TMEM94: variants seen among roughly 807,000 people sequenced by gnomAD.
TMEM94 encodes the protein transmembrane protein 94.
TMEM94 carries 81 observed loss-of-function variants against 158.6 expected under a neutral mutation model. That is an observed-to-expected ratio of 0.51 (90% CI 0.43 to 0.61). TMEM94 has a LOEUF of 0.61. Ranked by LOEUF, TMEM94 falls within the 20% of genes least tolerant of loss-of-function variation. The probability of loss-of-function intolerance (pLI) is 0.00; values close to 1 mark genes in which losing one functional copy is unlikely to be tolerated. For missense variants in TMEM94, 1,435 were observed against 1,762.0 expected, an observed-to-expected ratio of 0.81 and a Z score of 3.32; for synonymous variants, 751 against 730.7, an observed-to-expected ratio of 1.03 and a Z score of -0.45.
In TMEM94 at chr17:75,485,590, C is replaced by T. The variant is rs777445710; in HGVS notation, c.144+43C>T. On this transcript the variant is annotated intron_variant, in intron 3 of 31. Transcript: ENST00000314256. The surrounding 1 kb of genome is among the most constrained non-coding windows in gnomAD (Gnocchi z 5.5). ...GGCTACCAGGGCCTGGCTGGGATGGCAGGGAAGTGTGGGAGGCCCCTTCTC... is the reference window on the plus strand; with the variant it reads ...GGCTACCAGGGCCTGGCTGGGATGGTAGGGAAGTGTGGGAGGCCCCTTCTC... 1.3e-5 allele frequency: 21 copies of T among 1,612,946 alleles called. No individual in the cohort carries two copies. Among genetic ancestry groups the T allele is most frequent in the Non-Finnish European group, 1.7e-5 (20 of 1,179,194 alleles).
Position 75,495,075 on chromosome 17 carries a change from G to GC in TMEM94, c.2728+41_2728+42insC. Reference sequence around the variant, plus strand: ...TGGGGTGGGGACGGGGTGGCGGTGGGAGGATTCCCCTCCTCAGAGCCACAG... The same window carrying GC: ...TGGGGTGGGGACGGGGTGGCGGTGGGCAGGATTCCCCTCCTCAGAGCCACAG... On this transcript the variant is annotated intron_variant, in intron 20 of 31. Coordinates refer to ENST00000314256, the MANE Select transcript of TMEM94 (RefSeq NM_014738.6). This position sits in a 1 kb window ranked among gnomAD's most constrained non-coding sequence, Gnocchi z 5.6. 173 of 1,037,148 alleles carry GC rather than the reference G, an allele frequency of 1.7e-4. No homozygotes were observed. Among genetic ancestry groups the GC allele is most frequent in the Middle Eastern group, 2.6e-4 (1 of 3,824 alleles). 64.2% of individuals were successfully genotyped at this position (1,037,148 alleles called of 1,614,324 possible).
At chr17:75,462,557 T>G (rs2050114494) in intron 1 of TMEM94, among the ~76,000 whole-genome samples, 1 of 151,238 alleles carries the variant, frequency 6.6e-6, no homozygotes, top group Non-Finnish European at 1.5e-5. Flanking sequence ...TATACAGTTC[T>G]AAGGCTGGGC....
intron 25 of TMEM94, 139 bp downstream of exon 25, chr17:75,496,946 C>T: frequency 9.4e-7 from 1 of 1,059,940 alleles, no homozygotes; most frequent in Non-Finnish European, 1.4e-6. Context: ...AGCCCCTGGG[C>T]TTTTTGAGCT....
chr17:75,463,008 TAA>T (rs1217028321), intron 1 of TMEM94, among the ~76,000 whole-genome samples: 6 of 5,684 alleles, frequency 1.1e-3, no homozygotes, highest in African/African-American at 1.9e-3. Context: ...ATAAAAAAAG[TAA>T]AAAAAAAAAA....
intron 26 of TMEM94, 97 bp downstream of exon 26, chr17:75,497,295 C>T: frequency 2.4e-6 from 2 of 850,190 alleles, no homozygotes; most frequent in Non-Finnish European, 3.9e-6. Flanking sequence ...TGGAACTGCT[C>T]AGGTCTCACC....
chr17:75,492,424 C>T lies in TMEM94; in HGVS notation c.1597-50C>T, dbSNP rs1043961919. The T allele has an allele frequency of 3.3e-6, 5 of 1,529,226 alleles. No homozygotes were observed. Among genetic ancestry groups the T allele is most frequent in the Non-Finnish European group, 4.4e-6 (5 of 1,135,790 alleles). 94.7% of individuals were successfully genotyped at this position (1,529,226 alleles called of 1,614,324 possible). On this transcript the variant is annotated intron_variant, in intron 14 of 31. Coordinates refer to ENST00000314256, the MANE Select transcript of TMEM94 (RefSeq NM_014738.6). The surrounding 1 kb of genome is among the most constrained non-coding windows in gnomAD (Gnocchi z 4.4). ...GGGAGGTGGGCAGAGCCAGTGCTGG[C>T]TTCCCCACACCCTATCCCGGGCTGA...
chr17:75,496,550 T>A (rs371674695), intron 24 of TMEM94, 79 bp downstream of exon 24: 26 of 1,518,934 alleles, frequency 1.7e-5, no homozygotes, highest in African/African-American at 2.7e-5. Flanking sequence ...AAGGACCTGT[T>A]TGAACCCGGG....
In TMEM94 at chr17:75,496,483, G is replaced by A. The variant is rs749063637; in HGVS notation, c.3243+12G>A. 1.7e-5 allele frequency: 28 copies of A among 1,608,538 alleles called. No homozygotes were observed. The highest frequency in any genetic ancestry group is 6.7e-5 in the African/African-American group (5 of 74,848). ...GGCTTATCGAACAGGTGGGTGCTTC[G>A]GCAGGCAAAGGAGGAGAGACGCAGG... On this transcript the variant is annotated intron_variant, in intron 24 of 31. Coordinates refer to ENST00000314256, the MANE Select transcript of TMEM94 (RefSeq NM_014738.6).
Position 75,494,715 on chromosome 17 carries a change from G to A in TMEM94, c.2496G>A (p.Gln832=). The part of the protein sequence containing the change: ...IFMGMVSSQY[Q]ARLDIVRLID... Reference sequence around the variant, plus strand: ...TGGGCATGGTGTCCTCCCAGTACCAGGCCCGGCTGGACATCGTGCGCCTCA... The same window carrying A: ...TGGGCATGGTGTCCTCCCAGTACCAAGCCCGGCTGGACATCGTGCGCCTCA... The change falls in exon 19 of 32, where the codon CAG becomes CAA. Residue 832 remains glutamine, a synonymous_variant. Coordinates refer to ENST00000314256, the MANE Select transcript of TMEM94 (RefSeq NM_014738.6). 6.2e-7 allele frequency: 1 copy of A among 1,613,750 alleles called. No individual in the cohort carries two copies.
At position 75,489,997 on chromosome 17, in the gene TMEM94, T is replaced by TG. The variant is rs2052005716; in HGVS notation, c.955-236dup. ...AGGTGGCTGAGGTGGGAGAATCCCT[T>TG]GAACCTGGGAGGTGGAGGTTGCAGT... On this transcript the variant is annotated intron_variant, in intron 9 of 31. Coordinates refer to ENST00000314256, the MANE Select transcript of TMEM94 (RefSeq NM_014738.6). This position sits in a 1 kb window ranked among gnomAD's most constrained non-coding sequence, Gnocchi z 5.0. 1 of 585,870 alleles carries TG rather than the reference T, an allele frequency of 1.7e-6. No individual in the cohort carries two copies. Among genetic ancestry groups the TG allele is most frequent in the East Asian group, 3.0e-5 (1 of 32,982 alleles). The allele number at this position is 585,870 out of a possible 1,614,324, so 36.3% of individuals were successfully genotyped here. A position where few individuals can be genotyped will look rare whatever the true frequency, so the allele number is the denominator to read the frequency against.
Position 75,497,966 on chromosome 17 carries a change from C to T in TMEM94, c.3489+104C>T, listed in dbSNP as rs1474815586. ...CTGGAAGGCTCTGGATGGGGGATTC[C>T]AGCAGAACTCCGGCACTTGGTTCCT... On this transcript the variant is annotated intron_variant, in intron 27 of 31. Transcript: ENST00000314256. 13 of 1,218,152 alleles carry T rather than the reference C, an allele frequency of 1.1e-5. No individual in the cohort carries two copies. In the Admixed American group the frequency reaches 2.1e-4, roughly 20 times the overall value. 75.5% of individuals were successfully genotyped at this position (1,218,152 alleles called of 1,614,324 possible). A position where few individuals can be genotyped will look rare whatever the true frequency, so the allele number is the denominator to read the frequency against.
intron 1 of TMEM94, among the ~76,000 whole-genome samples, chr17:75,460,808 T>A (rs1598295578): frequency 6.6e-6 from 1 of 151,758 alleles, no homozygotes; most frequent in Non-Finnish European, 1.5e-5. Context: ...AAGTTGCCGA[T>A]TTTTAAAATT....
chr17:75,462,030 CAG>C (rs1473483102), intron 1 of TMEM94, among the ~76,000 whole-genome samples: 86 of 51,964 alleles, frequency 1.7e-3, no homozygotes, highest in Non-Finnish European at 2.9e-3. Flanking sequence ...TTTTTTGAGG[CAG>C]AGTCTTCTTG....
Position 75,498,734 on chromosome 17 carries a change from T to C in TMEM94, c.3827+12T>C. Reference sequence around the variant, plus strand: ...ACAGTGCCTGTGGTGTGAGTATTGCTAGGATGGAGGGCGGAGTGTGGGCTG... The same window carrying C: ...ACAGTGCCTGTGGTGTGAGTATTGCCAGGATGGAGGGCGGAGTGTGGGCTG... On this transcript the variant is annotated intron_variant, in intron 30 of 31. Transcript: ENST00000314256. This position sits in a 1 kb window ranked among gnomAD's most constrained non-coding sequence, Gnocchi z 6.7. 1 of 1,545,732 alleles carries C rather than the reference T, an allele frequency of 6.5e-7. No individual in the cohort carries two copies. The highest frequency in any genetic ancestry group is 8.7e-7 in the Non-Finnish European group (1 of 1,144,404).
Position 75,496,436 on chromosome 17 carries a change from G to A in TMEM94, c.3208G>A (p.Glu1070Lys). 1 of 1,613,602 alleles carries A rather than the reference G, an allele frequency of 6.2e-7. No homozygotes were observed. The highest frequency in any genetic ancestry group is 8.5e-7 in the Non-Finnish European group (1 of 1,179,996). Reference sequence around the variant, plus strand: ...GCCCTGTTCCCTGACCTTTCGCCAGGAGGAGACCATCAGCATCATCCGGCT... The same window carrying A: ...GCCCTGTTCCCTGACCTTTCGCCAGAAGGAGACCATCAGCATCATCCGGCT... ...SLPCSLTFRQ[E>K]ETISIIRLIE... Residue 1070 changes from glutamate (E) to lysine (K), a missense_variant, in exon 24 of 32, where the codon GAG becomes AAG. By Grantham distance (56) the Glu-to-Lys change is moderately conservative (BLOSUM62 1). Around this residue, in one of 3 missense-constraint regions of TMEM94, gnomAD observed 335 missense variants for 409.1 expected, o/e 0.82. Transcript: ENST00000314256.
rs1286542286 is a variant in TMEM94, at chr17:75,488,829, G to C, written c.683G>C (p.Gly228Ala). Residue 228 changes from glycine (G) to alanine (A), a missense_variant, in exon 7 of 32, where the codon GGA becomes GCA. By Grantham distance (60) the Gly-to-Ala change is moderately conservative. Coordinates refer to ENST00000314256, the MANE Select transcript of TMEM94 (RefSeq NM_014738.6). Reference sequence around the variant, plus strand: ...TTCTCCCCTCCACCCTCACCCCGGGGAGAAGTGGAGAGAGGGCCACAGAGC... The same window carrying C: ...TTCTCCCCTCCACCCTCACCCCGGGCAGAAGTGGAGAGAGGGCCACAGAGC... The part of the protein sequence containing the change: ...PPFSPPPSPR[G>A]EVERGPQSPQ... 1 of 1,612,608 alleles carries C rather than the reference G, an allele frequency of 6.2e-7. No homozygotes were observed. Among genetic ancestry groups the C allele is most frequent in the African/African-American group, 1.3e-5 (1 of 74,886 alleles).
intron 1 of TMEM94, among the ~76,000 whole-genome samples, chr17:75,463,040 ATATATATATAT>A (rs2050144673): frequency 4.9e-4 from 1 of 2,048 alleles, no homozygotes; most frequent in Non-Finnish European, 7.9e-4. Flanking sequence ...AAAAAAAAAT[ATATATATATAT>A]ATATATATAT....
intron 26 of TMEM94, 124 bp from the exon 27 acceptor site, chr17:75,497,657 T>C (rs762308619): frequency 7.0e-6 from 5 of 710,306 alleles, no homozygotes; most frequent in Non-Finnish European, 1.2e-5. Flanking sequence ...GTCCAGCCTT[T>C]GTTTTATTCC....
In TMEM94 at chr17:75,495,513, C is replaced by T. The variant is rs1053476944; in HGVS notation, c.2845-31C>T. On this transcript the variant is annotated intron_variant, in intron 21 of 31. Transcript: ENST00000314256. This position sits in a 1 kb window ranked among gnomAD's most constrained non-coding sequence, Gnocchi z 5.6. ...GAGGGGAGGGATGCTGATCCCCATC[C>T]CGAAGCCGCTGGCATCTCTGCTTTC... 1.2e-6 allele frequency: 2 copies of T among 1,610,206 alleles called. No homozygotes were observed. Among genetic ancestry groups the T allele is most frequent in the African/African-American group, 1.3e-5 (1 of 74,988 alleles).
Sources: gnomAD v4.1 joint callset for allele counts (sites outside exome capture counted in the v4.1 genomes callset) on GRCh38, gnomAD v4.1.1 for gene constraint, gnomAD v4.1.1 regional missense constraint, Gnocchi (gnomAD v3.1) non-coding constraint, MANE v1.5 for transcripts, NCBI Gene and HGNC (gene_info 2026-07-23, HGNC 2026-07-21) for gene names.